The following ZNF667 variants were observed in gnomAD, a reference collection of about 807,000 sequenced individuals.
ZNF667 encodes myocardial ischemic preconditioning upregulated 1 ortholog.
In ZNF667, 13 loss-of-function variants were observed where a neutral mutation model predicts 31.8. That is an observed-to-expected ratio of 0.41 (90% CI 0.27 to 0.65). ZNF667 has a LOEUF of 0.65. Among genes scored for constraint, ZNF667 ranks in the 30% least tolerant of loss-of-function variants. The pLI, the probability that ZNF667 is intolerant of heterozygous loss-of-function variation, is 0.32. For missense variants in ZNF667, 642 were observed against 725.6 expected, an observed-to-expected ratio of 0.88 and a Z score of 1.32; for synonymous variants, 228 against 247.1, an observed-to-expected ratio of 0.92 and a Z score of 0.73.
Position 56,441,413 on chromosome 19 carries a change from T to C in ZNF667, c.1582A>G (p.Thr528Ala). 1 of 1,614,178 alleles carries C rather than the reference T, an allele frequency of 6.2e-7. No homozygotes were observed. Residue 528 changes from threonine (T) to alanine (A), a missense_variant, in exon 7 of 7, where the codon ACA becomes GCA. By Grantham distance (58) the Thr-to-Ala change is moderately conservative. Coordinates refer to ENST00000504904, the MANE Select transcript of ZNF667 (RefSeq NM_001321356.2). This position sits in a 1 kb window ranked among gnomAD's most constrained non-coding sequence, Gnocchi z 4.2. ...AAGGCCTTACCACATGTTTTGCATG[T>C]ATATGGCTTCTCTCCAGTGTGAATT... ...ERIHTGEKPY[T>A]CKTCGKAFSQ...
At chr19:56,449,825 G>T (rs1289866674) in intron 6 of ZNF667, among the ~76,000 whole-genome samples, 1 of 151,800 alleles carries the variant, frequency 6.6e-6, no homozygotes, top group Non-Finnish European at 1.5e-5. Context: ...TTCTGGAGCT[G>T]AAAAATTCAG....
At chr19:56,458,123 T>G in intron 6 of ZNF667, 32 bp downstream of exon 6, 14 of 1,579,868 alleles carry the variant, frequency 8.9e-6, no homozygotes, top group Non-Finnish European at 1.2e-5. Context: ...CCCAGTAGAC[T>G]GAGACATATG....
intron 3 of ZNF667, among the ~76,000 whole-genome samples, chr19:56,467,387 AAC>A (rs775475332): frequency 1.3e-5 from 2 of 152,164 alleles, no homozygotes; most frequent in East Asian, 1.9e-4. Context: ...GAAAATGGAA[AAC>A]ACACAAACCA....
At chr19:56,470,396 C>A (rs893754218) in intron 3 of ZNF667, among the ~76,000 whole-genome samples, 32 of 152,238 alleles carry the variant, frequency 2.1e-4, no homozygotes, top group African/African-American at 7.2e-4. Flanking sequence ...GAAAGCTGTG[C>A]TGGCTCCTTT....
chr19:56,464,766 T>A (rs2043124286), intron 3 of ZNF667, among the ~76,000 whole-genome samples: 1 of 152,180 alleles, frequency 6.6e-6, no homozygotes, highest in Non-Finnish European at 1.5e-5. Context: ...AGCAGAGACT[T>A]TGTTTTGTTC....
At chr19:56,451,544 T>C (rs1254698071) in intron 6 of ZNF667, among the ~76,000 whole-genome samples, 3 of 152,052 alleles carry the variant, frequency 2.0e-5, no homozygotes, top group Admixed American at 1.3e-4. Context: ...GTATAGACCA[T>C]GAAATATTAG....
At chr19:56,458,124 G>A in intron 6 of ZNF667, 31 bp downstream of exon 6, 2 of 1,587,198 alleles carry the variant, frequency 1.3e-6, no homozygotes, top group Non-Finnish European at 1.7e-6. Context: ...CCAGTAGACT[G>A]AGACATATGC....
chr19:56,448,841 C>T (rs1193833791), intron 6 of ZNF667, among the ~76,000 whole-genome samples: 1 of 152,168 alleles, frequency 6.6e-6, no homozygotes, highest in Non-Finnish European at 1.5e-5. Context: ...GTGGTAGCCA[C>T]AGGCCTTGGG....
chr19:56,450,972 T>C (rs910993271), intron 6 of ZNF667, among the ~76,000 whole-genome samples: 2 of 152,168 alleles, frequency 1.3e-5, no homozygotes, highest in African/African-American at 4.8e-5. Flanking sequence ...AAAATGTCAG[T>C]AGTAGGTCTC....
chr19:56,448,868 G>A (rs961396757), intron 6 of ZNF667, among the ~76,000 whole-genome samples: 11 of 152,162 alleles, frequency 7.2e-5, no homozygotes, highest in African/African-American at 2.7e-4. Flanking sequence ...TGAGTACTAC[G>A]CTGGCTTCGG....
At chr19:56,449,366 C>A in intron 6 of ZNF667, 1 of 322,202 alleles carries the variant, frequency 3.1e-6, no homozygotes. Context: ...TGTGACCGTT[C>A]AGTCAGAGAA....
intron 4 of ZNF667, 39 bp downstream of exon 4, chr19:56,462,299 C>G: frequency 6.2e-7 from 1 of 1,613,448 alleles, no homozygotes. Flanking sequence ...TCACAAGACA[C>G]GATGGGGTGT....
intron 6 of ZNF667, among the ~76,000 whole-genome samples, chr19:56,443,407 T>C (rs900295121): frequency 6.6e-6 from 1 of 152,220 alleles, no homozygotes; most frequent in Non-Finnish European, 1.5e-5. Context: ...AATTTCATCA[T>C]TGTGCAAACA....
intron 5 of ZNF667, among the ~76,000 whole-genome samples, chr19:56,460,274 A>G (rs554365076): frequency 9.2e-5 from 14 of 152,212 alleles, no homozygotes; most frequent in Non-Finnish European, 2.1e-4. Context: ...CTACAACATG[A>G]TGAACCTCAA....
Position 56,442,819 on chromosome 19 carries a change from ATCAT to A in ZNF667, c.254-82_254-79del. 4 of 1,434,406 alleles carry A rather than the reference ATCAT, an allele frequency of 2.8e-6. No homozygotes were observed. The South Asian group carries it at 6.6e-5, about 24-fold the overall frequency. 88.9% of individuals were successfully genotyped at this position (1,434,406 alleles called of 1,614,324 possible). A position where few individuals can be genotyped will look rare whatever the true frequency, so the allele number is the denominator to read the frequency against. ...AAGATTCTACAATATAAATGTAATTATCATTATTAATCACAACAACAATTATGAT... is the reference window on the plus strand; with the variant it reads ...AAGATTCTACAATATAAATGTAATTATATTAATCACAACAACAATTATGAT... On this transcript the variant is annotated intron_variant, in intron 6 of 6. Transcript: ENST00000504904.
At chr19:56,461,231 G>C (rs757276815) in intron 4 of ZNF667, among the ~76,000 whole-genome samples, 29 of 152,172 alleles carry the variant, frequency 1.9e-4, no homozygotes, top group Non-Finnish European at 3.4e-4. Context: ...AGTAAATGGA[G>C]AAGCTAGTGT....
chr19:56,466,682 TATTACA>T (rs1198778381), intron 3 of ZNF667, among the ~76,000 whole-genome samples: 1 of 152,174 alleles, frequency 6.6e-6, no homozygotes, highest in Non-Finnish European at 1.5e-5. Flanking sequence ...GCTGACCACC[TATTACA>T]ATTACAGAAA....
chr19:56,460,452 T>C (rs902840018), intron 5 of ZNF667, among the ~76,000 whole-genome samples: 2 of 152,000 alleles, frequency 1.3e-5, no homozygotes, highest in African/African-American at 4.8e-5. Context: ...GGTTTTTGGG[T>C]GGAAATAATG....
chr19:56,462,186 G>A, intron 4 of ZNF667, 152 bp downstream of exon 4: 1 of 970,112 alleles, frequency 1.0e-6, no homozygotes, highest in Non-Finnish European at 1.6e-6. Context: ...CCCTTCTCAG[G>A]TTCTCATCCC....
Sources: allele counts gnomAD v4.1 joint callset (sites outside exome capture counted in the v4.1 genomes callset), GRCh38; gene constraint gnomAD v4.1.1; non-coding constraint Gnocchi (gnomAD v3.1); transcripts MANE v1.5; gene names NCBI Gene and HGNC (gene_info 2026-07-23, HGNC 2026-07-21).